KCNIP1: variants seen among roughly 807,000 people sequenced by gnomAD.
KCNIP1 encodes potassium voltage-gated channel interacting protein 1, also known as A-type potassium channel modulatory protein KCNIP1.
Under a neutral mutation model 33.0 loss-of-function variants are expected in KCNIP1, and 18 were observed. That is an observed-to-expected ratio of 0.55 (90% CI 0.38 to 0.81). The LOEUF is 0.81. KCNIP1 is among the 30% of genes least tolerant of loss of function. The pLI is 0.00. For missense variants in KCNIP1, 238 were observed against 271.6 expected (o/e 0.88, Z 0.87); for synonymous variants, 93 against 98.3 (o/e 0.95, Z 0.32).
At chr5:170,521,911 A>G in intron 1 of KCNIP1, among the ~76,000 whole-genome samples, 1 of 152,220 alleles carries the variant, frequency 6.6e-6, no homozygotes, top group East Asian at 1.9e-4. Flanking sequence ...TCAGGGACCT[A>G]GCCTCCTTCC....
intron 1 of KCNIP1, among the ~76,000 whole-genome samples, chr5:170,650,777 C>A (rs1295583443): frequency 6.6e-6 from 1 of 152,130 alleles, no homozygotes; most frequent in Non-Finnish European, 1.5e-5. Context: ...GCATTTTATA[C>A]CCACCAGCTC....
intron 1 of KCNIP1, among the ~76,000 whole-genome samples, chr5:170,364,654 T>G (rs965309795): frequency 3.9e-5 from 6 of 152,186 alleles, no homozygotes; most frequent in African/African-American, 1.4e-4. Flanking sequence ...CCTCCTGCGG[T>G]TGCCGTCCCT....
intron 1 of KCNIP1, among the ~76,000 whole-genome samples, chr5:170,469,203 T>C (rs1158284791): frequency 6.6e-6 from 1 of 152,092 alleles, no homozygotes; most frequent in Non-Finnish European, 1.5e-5. Flanking sequence ...AAGATCAGCC[T>C]GGGCAACATA....
At chr5:170,711,309 C>T (rs998871992) in intron 1 of KCNIP1, among the ~76,000 whole-genome samples, 2 of 152,240 alleles carry the variant, frequency 1.3e-5, no homozygotes, top group African/African-American at 4.8e-5. Context: ...TGTATGCCTC[C>T]TCACCAGTGT....
intron 1 of KCNIP1, among the ~76,000 whole-genome samples, chr5:170,608,682 G>A (rs1020912420): frequency 6.6e-6 from 1 of 151,836 alleles, no homozygotes; most frequent in African/African-American, 2.4e-5. Context: ...TGAGGTAGGA[G>A]AATCGCTTGA....
intron 1 of KCNIP1, chr5:170,385,348 G>GTAGGTGATGTAGTAGGT: frequency 6.2e-7 from 1 of 1,614,140 alleles, no homozygotes; most frequent in South Asian, 1.1e-5. Context: ...GTCGTGACCA[G>GTAGGTGATGTAGTAGGT]GATGTAGTAG....
At chr5:170,440,972 C>T (rs1309310737) in intron 1 of KCNIP1, among the ~76,000 whole-genome samples, 1 of 152,190 alleles carries the variant, frequency 6.6e-6, no homozygotes, top group Non-Finnish European at 1.5e-5. Flanking sequence ...CGTCTGAGCT[C>T]CTCCCTTCCA....
chr5:170,505,469 G>A (rs1581250871), intron 1 of KCNIP1, among the ~76,000 whole-genome samples: 1 of 152,166 alleles, frequency 6.6e-6, no homozygotes. Flanking sequence ...GGGAAATGAT[G>A]GGTTTTGTTT....
At chr5:170,491,937 G>A (rs946305594) in intron 1 of KCNIP1, among the ~76,000 whole-genome samples, 2 of 152,204 alleles carry the variant, frequency 1.3e-5, no homozygotes, top group African/African-American at 2.4e-5. Flanking sequence ...AAACTCTAGA[G>A]GAGCCCTTGT....
chr5:170,708,635 G>T (rs759822151), intron 1 of KCNIP1, among the ~76,000 whole-genome samples: 22 of 152,334 alleles, frequency 1.4e-4, no homozygotes, highest in Middle Eastern at 3.4e-3. Flanking sequence ...TAGGCATGGT[G>T]GCTCCCACCT....
chr5:170,557,363 G>A (rs1756878553), intron 1 of KCNIP1, among the ~76,000 whole-genome samples: 2 of 152,146 alleles, frequency 1.3e-5, no homozygotes, highest in African/African-American at 4.8e-5. Context: ...GGTCCATTGC[G>A]AAGTCATCTC....
At chr5:170,598,343 C>T (rs1324870775) in intron 1 of KCNIP1, among the ~76,000 whole-genome samples, 2 of 152,130 alleles carry the variant, frequency 1.3e-5, no homozygotes, top group Non-Finnish European at 2.9e-5. Context: ...AAGGAGGTGG[C>T]AGGTCAGAGA....
intron 1 of KCNIP1, among the ~76,000 whole-genome samples, chr5:170,368,512 C>T (rs1426232203): frequency 6.6e-6 from 1 of 152,178 alleles, no homozygotes; most frequent in Non-Finnish European, 1.5e-5. Context: ...ATCCGCCCGC[C>T]TCAGCCTCCC....
intron 1 of KCNIP1, among the ~76,000 whole-genome samples, chr5:170,694,016 T>C (rs1762810221): frequency 6.6e-6 from 1 of 152,180 alleles, no homozygotes; most frequent in Non-Finnish European, 1.5e-5. Flanking sequence ...AGGTAGAATC[T>C]TGGCCTGGCC....
At chr5:170,410,868 G>T (rs1450431089) in intron 1 of KCNIP1, among the ~76,000 whole-genome samples, 3 of 152,222 alleles carry the variant, frequency 2.0e-5, no homozygotes, top group Non-Finnish European at 4.4e-5. Flanking sequence ...TGGTGGAACA[G>T]GGCCCCACAC....
intron 1 of KCNIP1, among the ~76,000 whole-genome samples, chr5:170,536,942 G>A (rs529130586): frequency 1.3e-5 from 2 of 152,180 alleles, no homozygotes; most frequent in African/African-American, 2.4e-5. Context: ...AACATGGGTA[G>A]CTCTGCTCAG....
intron 1 of KCNIP1, among the ~76,000 whole-genome samples, chr5:170,522,264 A>G (rs1388605522): frequency 5.3e-5 from 8 of 152,364 alleles, no homozygotes; most frequent in East Asian, 1.9e-4. Flanking sequence ...TCCTGATGTC[A>G]GCTGCTTCCC....
intron 1 of KCNIP1, among the ~76,000 whole-genome samples, chr5:170,373,865 AC>A (rs1763915782): frequency 6.6e-6 from 1 of 152,242 alleles, no homozygotes; most frequent in Admixed American, 6.5e-5. Flanking sequence ...CACTTTGAGA[AC>A]TGCTACACTG....
At chr5:170,505,616 G>C (rs1052703154) in intron 1 of KCNIP1, among the ~76,000 whole-genome samples, 14 of 152,186 alleles carry the variant, frequency 9.2e-5, no homozygotes, top group African/African-American at 3.4e-4. Context: ...CTGATAGTGA[G>C]TAGAAGTGTA....
Sources: gnomAD v4.1 joint callset for allele counts (sites outside exome capture counted in the v4.1 genomes callset) on GRCh38, gnomAD v4.1.1 for gene constraint, MANE v1.5 for transcripts, NCBI Gene and HGNC (gene_info 2026-07-23, HGNC 2026-07-21) for gene names.